Variants in PHACTR1 observed in about 807,000 individuals in gnomAD.
PHACTR1 encodes phosphatase and actin regulator 1, also known as RPEL repeat containing 1.
Under a neutral mutation model 69.2 loss-of-function variants are expected in PHACTR1, and 16 were observed. The ratio of observed to expected loss-of-function variants is 0.23; its 90% confidence interval spans 0.16 to 0.35. The LOEUF (loss-of-function observed/expected upper bound fraction) is 0.35. Among genes scored for constraint, PHACTR1 ranks in the 10% least tolerant of loss-of-function variants. The pLI, the probability that PHACTR1 is intolerant of heterozygous loss-of-function variation, is 1.00. For missense variants in PHACTR1, 510 were observed against 734.7 expected, an observed-to-expected ratio of 0.69 and a Z score of 3.54; for synonymous variants, 312 against 284.5, an observed-to-expected ratio of 1.10 and a Z score of -0.97.
At chr6:13,210,911 C>CTTTTTTT (rs56769825) in intron 8 of PHACTR1, among the ~76,000 whole-genome samples, 132 of 72,890 alleles carry the variant, frequency 1.8e-3, no homozygotes, top group East Asian at 3.5e-3. Flanking sequence ...TTTATCATTT[C>CTTTTTTT]TTTTTTTTTT....
In PHACTR1 at chr6:13,279,136, G is replaced by T. The variant is rs181973972; in HGVS notation, c.1509+807G>T. ...CGAAAGTACTGACAAATTTAAAGCAGATGTTTGAGAAGCACATAGCTTAAA... is the reference window on the plus strand; with the variant it reads ...CGAAAGTACTGACAAATTTAAAGCATATGTTTGAGAAGCACATAGCTTAAA... On this transcript the variant is annotated intron_variant, in intron 12 of 14. Transcript: ENST00000332995. 3.0e-3 allele frequency among the ~76,000 whole-genome samples: 456 copies of T among 151,378 alleles called. 1 individual carries two copies. Among genetic ancestry groups the T allele is most frequent in the African/African-American group, 0.011 (438 of 41,196 alleles).
chr6:13,205,796 C>T lies in PHACTR1; in HGVS notation c.665-19C>T, dbSNP rs533216166. The T allele has an allele frequency of 1.3e-4, 203 of 1,561,532 alleles. 1 individual carries two copies. In the African/African-American group the frequency reaches 1.6e-3, roughly 12 times the overall value. On this transcript the variant is annotated intron_variant, in intron 7 of 14. Transcript: ENST00000332995. ...TGCCCCCAAACTCACATCTGCCTCTCGCCCTCTTTCTGCCACAGATCCTGG... is the reference window on the plus strand; with the variant it reads ...TGCCCCCAAACTCACATCTGCCTCTTGCCCTCTTTCTGCCACAGATCCTGG...
chr6:12,873,170 C>T (rs1423887870), intron 4 of PHACTR1, among the ~76,000 whole-genome samples: 1 of 152,022 alleles, frequency 6.6e-6, no homozygotes, highest in African/African-American at 2.4e-5. Context: ...CACCACCACA[C>T]CCAGCTAACT....
chr6:12,907,759 A>AG (rs11463343), intron 4 of PHACTR1, among the ~76,000 whole-genome samples: 152,260 of 152,260 alleles, frequency 1, 76,130 homozygotes, highest in Non-Finnish European at 1. Flanking sequence ...TAAATAAGAG[A>AG]GATGAGAGTG....
chr6:12,770,237 C>G (rs1349511954), intron 4 of PHACTR1, among the ~76,000 whole-genome samples: 1 of 152,216 alleles, frequency 6.6e-6, no homozygotes, highest in African/African-American at 2.4e-5. Flanking sequence ...GTTTTTACAA[C>G]AGTCATCTAT....
chr6:12,844,280 C>T (rs1033560478), intron 4 of PHACTR1, among the ~76,000 whole-genome samples: 2 of 151,980 alleles, frequency 1.3e-5, no homozygotes, highest in Admixed American at 6.6e-5. Context: ...ACTTGTCCTC[C>T]CAGCTACTTG....
chr6:13,193,976 C>G (rs893910632), intron 7 of PHACTR1, among the ~76,000 whole-genome samples: 1 of 152,168 alleles, frequency 6.6e-6, no homozygotes, highest in Non-Finnish European at 1.5e-5. Context: ...CAGCACCAGT[C>G]CATGGCTGCA....
chr6:13,237,979 A>G (rs1289682689), intron 10 of PHACTR1, among the ~76,000 whole-genome samples: 3 of 152,228 alleles, frequency 2.0e-5, no homozygotes, highest in East Asian at 3.8e-4. Context: ...TATGAGGTGC[A>G]TGACTTTACT....
chr6:13,139,036 A>AT (rs553090625), intron 5 of PHACTR1, among the ~76,000 whole-genome samples: 1,596 of 150,358 alleles, frequency 0.011, 28 homozygotes, highest in African/African-American at 0.036. Context: ...CCATGAAATA[A>AT]TTTTTTTTTA....
intron 4 of PHACTR1, among the ~76,000 whole-genome samples, chr6:12,756,399 G>A (rs981570263): frequency 2.0e-5 from 3 of 152,142 alleles, no homozygotes; most frequent in South Asian, 2.1e-4. Context: ...ATGTGATTTC[G>A]GGGTGGGGGA....
At position 13,287,167 on chromosome 6, in the gene PHACTR1, C is replaced by A; in HGVS notation, c.*89C>A. The A allele has an allele frequency of 8.0e-7, 1 of 1,247,874 alleles. No individual in the cohort carries two copies. Among genetic ancestry groups the A allele is most frequent in the Non-Finnish European group, 1.1e-6 (1 of 887,364 alleles). 77.3% of individuals were successfully genotyped at this position (1,247,874 alleles called of 1,614,324 possible). On this transcript the variant is annotated 3_prime_UTR_variant, in exon 15 of 15. Coordinates refer to ENST00000332995, the MANE Select transcript of PHACTR1 (RefSeq NM_030948.6). ...CTGGTATTTATTCACTTCCCCATTA[C>A]GATGTAAATCTTCTGAACTGCCTTT...
intron 4 of PHACTR1, among the ~76,000 whole-genome samples, chr6:13,007,826 T>G (rs1209526019): frequency 3.3e-5 from 5 of 152,122 alleles, no homozygotes; most frequent in Non-Finnish European, 7.4e-5. Context: ...CTCCACCTGT[T>G]TTATCTAAAA....
At chr6:13,284,644 G>A (rs1039738549) in intron 13 of PHACTR1, among the ~76,000 whole-genome samples, 1 of 147,320 alleles carries the variant, frequency 6.8e-6, no homozygotes, top group Non-Finnish European at 1.5e-5. Context: ...AGAAACTATG[G>A]AGTGTGTCAG....
intron 3 of PHACTR1, among the ~76,000 whole-genome samples, chr6:12,724,657 AG>A (rs1029683549): frequency 6.6e-6 from 1 of 152,224 alleles, no homozygotes; most frequent in Non-Finnish European, 1.5e-5. Context: ...AGATCAGCAA[AG>A]GTAACTTCCC....
At chr6:13,058,978 G>A (rs1377117428) in intron 5 of PHACTR1, among the ~76,000 whole-genome samples, 3 of 152,150 alleles carry the variant, frequency 2.0e-5, no homozygotes, top group African/African-American at 7.2e-5. Flanking sequence ...GCAGATGATA[G>A]TAGCCTGAAC....
chr6:13,198,987 A>G (rs532926772), intron 7 of PHACTR1, among the ~76,000 whole-genome samples: 21 of 152,332 alleles, frequency 1.4e-4, no homozygotes, highest in Non-Finnish European at 3.1e-4. Context: ...TTTACAAAGC[A>G]GATTCCTGGG....
At chr6:13,237,244 G>T (rs1286768833) in intron 10 of PHACTR1, among the ~76,000 whole-genome samples, 1 of 152,026 alleles carries the variant, frequency 6.6e-6, no homozygotes, top group African/African-American at 2.4e-5. Flanking sequence ...GGGCATGATG[G>T]CGTCCACCTG....
intron 7 of PHACTR1, among the ~76,000 whole-genome samples, chr6:13,195,033 A>G (rs982352551): frequency 8.5e-5 from 13 of 152,182 alleles, no homozygotes; most frequent in African/African-American, 2.9e-4. Context: ...TTCTCTCAAC[A>G]TCATCCCTCT....
At chr6:12,752,212 G>A (rs774891619) in intron 4 of PHACTR1, among the ~76,000 whole-genome samples, 1 of 152,068 alleles carries the variant, frequency 6.6e-6, no homozygotes, top group Non-Finnish European at 1.5e-5. Flanking sequence ...CCTTTCTCCC[G>A]CATTTAAGAG....
Sources: allele counts gnomAD v4.1 joint callset (sites outside exome capture counted in the v4.1 genomes callset), GRCh38; gene constraint gnomAD v4.1.1; transcripts MANE v1.5; gene names NCBI Gene and HGNC (gene_info 2026-07-23, HGNC 2026-07-21).